The following CFAP61 variants were observed in gnomAD, a reference collection of about 807,000 sequenced individuals.
CFAP61 encodes the protein cilia- and flagella-associated protein 61.
A neutral mutation model predicts 135.6 loss-of-function variants in CFAP61; 107 were observed. That is an observed-to-expected ratio of 0.79 (90% CI 0.67 to 0.93). The LOEUF is 0.93. CFAP61 is among the 40% of genes least tolerant of loss of function. CFAP61 has a pLI of 0.00. For synonymous variants in CFAP61, 575 were observed against 578.5 expected (o/e 0.99, Z 0.09); for missense variants, 1,507 against 1,556.2 (o/e 0.97, Z 0.53).
At chr20:20,213,030 A>G (rs75454869) in intron 17 of CFAP61, among the ~76,000 whole-genome samples, 17,463 of 151,806 alleles carry the variant, frequency 0.12, 1,058 homozygotes, top group Non-Finnish European at 0.13. Flanking sequence ...GGCAGGTACA[A>G]CTCCTCTGAT....
intron 22 of CFAP61, among the ~76,000 whole-genome samples, chr20:20,281,617 G>T (rs1238487117): frequency 6.6e-6 from 1 of 152,054 alleles, no homozygotes. Context: ...GTCATAATGC[G>T]TTATCTTTCT....
intron 17 of CFAP61, among the ~76,000 whole-genome samples, chr20:20,212,369 C>T (rs1184636773): frequency 1.3e-5 from 2 of 152,124 alleles, no homozygotes; most frequent in African/African-American, 2.4e-5. Context: ...ACACACAATC[C>T]TCATCCAAGT....
intron 22 of CFAP61, among the ~76,000 whole-genome samples, chr20:20,278,152 A>G (rs77868216): frequency 1.3e-5 from 2 of 152,188 alleles, no homozygotes; most frequent in Admixed American, 6.5e-5. Flanking sequence ...CATTCTGTCA[A>G]CTCATCAGGA....
chr20:20,124,195 T>C (rs1355677643), intron 8 of CFAP61, among the ~76,000 whole-genome samples: 1 of 151,646 alleles, frequency 6.6e-6, no homozygotes, highest in East Asian at 1.9e-4. Flanking sequence ...CAGTGACAGT[T>C]TGACTTCCTC....
In CFAP61 at chr20:20,298,209, A is replaced by G; in HGVS notation, c.3245A>G (p.Lys1082Arg). Reference sequence around the variant, plus strand: ...TTAGAACTAGTAACCGGCAGTGCGAAAAATGGGACTTACTTCCGAATTCAT... The same window carrying G: ...TTAGAACTAGTAACCGGCAGTGCGAGAAATGGGACTTACTTCCGAATTCAT... ...YGLELVTGSA[K>R]NGTYFRIHIN... The change falls in exon 25 of 27, where the codon AAA (lysine) becomes AGA (arginine). Residue 1082 changes from lysine (K) to arginine (R), a missense_variant. Coordinates refer to ENST00000245957, the MANE Select transcript of CFAP61 (RefSeq NM_015585.4). The G allele has an allele frequency of 1.2e-6, 2 of 1,614,142 alleles. No individual in the cohort carries two copies. The highest frequency in any genetic ancestry group is 1.1e-5 in the South Asian group (1 of 91,084).
chr20:20,246,986 CT>C (rs1569186422), intron 19 of CFAP61, among the ~76,000 whole-genome samples: 1 of 152,032 alleles, frequency 6.6e-6, no homozygotes, highest in African/African-American at 2.4e-5. Context: ...AGACTATAAA[CT>C]TTTTTTTGAA....
intron 25 of CFAP61, among the ~76,000 whole-genome samples, chr20:20,302,904 G>A (rs1033373494): frequency 4.6e-5 from 7 of 152,244 alleles, no homozygotes; most frequent in African/African-American, 1.7e-4. Flanking sequence ...AACCTTTTAT[G>A]TGTAAGGATG....
At chr20:20,303,622 G>T (rs2056242847) in intron 25 of CFAP61, among the ~76,000 whole-genome samples, 1 of 152,126 alleles carries the variant, frequency 6.6e-6, no homozygotes, top group Non-Finnish European at 1.5e-5. Context: ...TTGTCAGACT[G>T]GCTGGCGAGG....
intron 17 of CFAP61, among the ~76,000 whole-genome samples, chr20:20,205,441 AGATATACTT>A (rs2056816137): frequency 6.6e-6 from 1 of 152,268 alleles, no homozygotes; most frequent in Non-Finnish European, 1.5e-5. Flanking sequence ...TAACTACTAC[AGATATACTT>A]TCCTACCTAA....
At chr20:20,308,462 C>T (rs2056611429) in intron 25 of CFAP61, among the ~76,000 whole-genome samples, 1 of 76,612 alleles carries the variant, frequency 1.3e-5, no homozygotes, top group Non-Finnish European at 2.7e-5. Context: ...GGGAAGGGGG[C>T]TGGTGTGGGG....
At chr20:20,325,678 T>C (rs1338874785) in intron 25 of CFAP61, among the ~76,000 whole-genome samples, 1 of 152,250 alleles carries the variant, frequency 6.6e-6, no homozygotes, top group Admixed American at 6.5e-5. Context: ...TGCTGTAACA[T>C]GTACAAGTTT....
At chr20:20,239,985 A>T (rs961731091) in intron 18 of CFAP61, among the ~76,000 whole-genome samples, 1 of 152,082 alleles carries the variant, frequency 6.6e-6, no homozygotes, top group African/African-American at 2.4e-5. Flanking sequence ...TGGTGGCCAA[A>T]GTGTGTAGTG....
intron 6 of CFAP61, among the ~76,000 whole-genome samples, chr20:20,084,268 G>A (rs1279792343): frequency 6.6e-6 from 1 of 152,294 alleles, no homozygotes; most frequent in African/African-American, 2.4e-5. Flanking sequence ...TGTTTGAAGT[G>A]ACAACATTCA....
chr20:20,239,521 T>C (rs965369448), intron 18 of CFAP61, among the ~76,000 whole-genome samples: 13 of 152,248 alleles, frequency 8.5e-5, no homozygotes, highest in Admixed American at 7.2e-4. Flanking sequence ...ACTTACCATT[T>C]ATTGAAAATG....
intron 13 of CFAP61, among the ~76,000 whole-genome samples, chr20:20,174,426 G>T (rs930017828): frequency 2.6e-5 from 4 of 152,122 alleles, no homozygotes; most frequent in African/African-American, 9.7e-5. Context: ...CACCATTAGG[G>T]GTGCACATGC....
intron 18 of CFAP61, among the ~76,000 whole-genome samples, chr20:20,232,018 C>T (rs2049178058): frequency 6.6e-6 from 1 of 152,078 alleles, no homozygotes; most frequent in African/African-American, 2.4e-5. Context: ...CTCGGTGCTT[C>T]CATTAATAAG....
chr20:20,084,788 A>G (rs561755245), intron 6 of CFAP61, among the ~76,000 whole-genome samples: 3 of 152,110 alleles, frequency 2.0e-5, no homozygotes, highest in Non-Finnish European at 4.4e-5. Flanking sequence ...GCTCATTTCT[A>G]GCTGTGGACT....
intron 21 of CFAP61, among the ~76,000 whole-genome samples, chr20:20,266,757 C>T (rs1601718522): frequency 6.6e-6 from 1 of 152,278 alleles, no homozygotes; most frequent in East Asian, 1.9e-4. Context: ...TCTGGAGTCA[C>T]GTGACTTGGG....
chr20:20,052,640 G>C, intron 1 of CFAP61, 49 bp downstream of exon 1: 1 of 1,613,404 alleles, frequency 6.2e-7, no homozygotes, highest in Non-Finnish European at 8.5e-7. Flanking sequence ...TGCGGTGCAG[G>C]GCGTCCAGGG....
Sources: allele counts gnomAD v4.1 joint callset (sites outside exome capture counted in the v4.1 genomes callset), GRCh38; gene constraint gnomAD v4.1.1; transcripts MANE v1.5; gene names NCBI Gene and HGNC (gene_info 2026-07-23, HGNC 2026-07-21).